CALN1: variants seen among roughly 807,000 people sequenced by gnomAD.
The protein encoded by CALN1 is calneuron 1.
CALN1 carries 17 observed loss-of-function variants against 30.6 expected under a neutral mutation model. The observed-to-expected ratio is 0.56, with a 90% CI of 0.38 to 0.83. CALN1 has a LOEUF of 0.83. Ranked by LOEUF, CALN1 falls within the 40% of genes least tolerant of loss-of-function variation. CALN1 has a pLI of 0.00. For synonymous variants in CALN1, 156 were observed against 131.4 expected (o/e 1.19, Z -1.28); for missense variants, 291 against 354.9 (o/e 0.82, Z 1.45).
chr7:72,412,766 A>T (rs190702777), upstream of CALN1, among the ~76,000 whole-genome samples: 3 of 152,348 alleles, frequency 2.0e-5, no homozygotes, highest in East Asian at 5.8e-4. Flanking sequence ...CCTTGCTTTC[A>T]GCCCAGGAAG....
chr7:72,284,208 T>A (rs1797919286), intron 2 of CALN1, among the ~76,000 whole-genome samples: 1 of 152,092 alleles, frequency 6.6e-6, no homozygotes, highest in Admixed American at 6.6e-5. Context: ...GGTAGGAAGA[T>A]CACTTGAGCC....
At chr7:72,099,834 T>C (rs1258146147) in intron 4 of CALN1, among the ~76,000 whole-genome samples, 2 of 152,242 alleles carry the variant, frequency 1.3e-5, no homozygotes, top group African/African-American at 4.8e-5. Flanking sequence ...ACTTGGGTTT[T>C]TGTTAAAGGA....
At chr7:72,376,133 C>T (rs757981416) in intron 2 of CALN1, among the ~76,000 whole-genome samples, 36 of 151,994 alleles carry the variant, frequency 2.4e-4, no homozygotes, top group Non-Finnish European at 4.1e-4. Flanking sequence ...TCTGTTTATC[C>T]ATTCATCAGT....
chr7:72,205,551 A>AAAATATACATATATATAT, intron 3 of CALN1, among the ~76,000 whole-genome samples: 1 of 83,044 alleles, frequency 1.2e-5, no homozygotes, highest in Non-Finnish European at 2.0e-5. Context: ...GCAAAAAAAA[A>AAAATATACATATATATAT]ATATATATAT....
At chr7:72,272,421 G>A (rs767541372) in intron 3 of CALN1, among the ~76,000 whole-genome samples, 44 of 151,984 alleles carry the variant, frequency 2.9e-4, no homozygotes, top group Admixed American at 7.9e-4. Flanking sequence ...AATTAGCTGG[G>A]TGTGGTGGTG....
At chr7:72,226,699 G>A (rs536101724) in intron 3 of CALN1, among the ~76,000 whole-genome samples, 178 of 152,216 alleles carry the variant, frequency 1.2e-3, no homozygotes, top group Admixed American at 1.9e-3. Context: ...ATCAAATACC[G>A]CACGTTCTCA....
chr7:71,826,638 T>C (rs927225555), intron 5 of CALN1, among the ~76,000 whole-genome samples: 2 of 152,186 alleles, frequency 1.3e-5, no homozygotes, highest in Non-Finnish European at 2.9e-5. Context: ...ACAGGGGACC[T>C]TGACGTGGCC....
intron 3 of CALN1, among the ~76,000 whole-genome samples, chr7:72,143,494 A>T (rs956855007): frequency 9.2e-5 from 14 of 151,810 alleles, no homozygotes; most frequent in African/African-American, 2.9e-4. Flanking sequence ...CAAATCTACG[A>T]CTGATTGGTG....
At chr7:71,978,036 G>A (rs1309712706) in intron 5 of CALN1, among the ~76,000 whole-genome samples, 1 of 151,326 alleles carries the variant, frequency 6.6e-6, no homozygotes, top group East Asian at 2.0e-4. Flanking sequence ...CTTAGCAGCT[G>A]CCAAAGATAT....
chr7:72,264,679 T>A (rs1184004541), intron 3 of CALN1, among the ~76,000 whole-genome samples: 8 of 152,150 alleles, frequency 5.3e-5, no homozygotes, highest in Admixed American at 5.2e-4. Flanking sequence ...TTTTTTGTGG[T>A]TGTTGTTAAC....
chr7:72,043,104 A>C (rs1298503340), intron 4 of CALN1, among the ~76,000 whole-genome samples: 1 of 152,206 alleles, frequency 6.6e-6, no homozygotes, highest in Non-Finnish European at 1.5e-5. Context: ...GACACAAGGT[A>C]GGGTCCTTCC....
intron 4 of CALN1, among the ~76,000 whole-genome samples, chr7:72,039,981 A>G (rs1433518823): frequency 1.3e-5 from 2 of 152,212 alleles, no homozygotes; most frequent in African/African-American, 2.4e-5. Flanking sequence ...AACTTTTTGC[A>G]GGTGGCTGAA....
rs552533308 is a variant in CALN1 at position 72,197,661 on chromosome 7, C to G, written c.244+81025G>C. ...CCTAGACAACAATGTGAGTTCTTGT[C>G]CCTACAAAAAAATAAATAAATAAAT... On this transcript the variant is annotated intron_variant, in intron 3 of 6. Coordinates refer to ENST00000395275, the MANE Select transcript of CALN1 (RefSeq NM_031468.4). Among the ~76,000 whole-genome samples the G allele has an allele frequency of 5.3e-5, 8 of 151,958 alleles. No homozygotes were observed. The East Asian group carries it at 1.4e-3, about 26-fold the overall frequency.
intron 4 of CALN1, among the ~76,000 whole-genome samples, chr7:72,069,532 T>A (rs1804248485): frequency 6.6e-6 from 1 of 152,176 alleles, no homozygotes. Context: ...GGTTTCTGGC[T>A]ACACCACTCC....
chr7:72,088,701 GAAAAA>G (rs71069024), intron 4 of CALN1, among the ~76,000 whole-genome samples: 6 of 72,472 alleles, frequency 8.3e-5, no homozygotes, highest in African/African-American at 3.0e-4. Flanking sequence ...TCCATCTCAA[GAAAAA>G]AAAAAAAAAA....
intron 5 of CALN1, among the ~76,000 whole-genome samples, chr7:72,010,355 C>T (rs1427071330): frequency 6.6e-6 from 1 of 152,120 alleles, no homozygotes; most frequent in Non-Finnish European, 1.5e-5. Context: ...GTAAGCAATG[C>T]ATTTCTCTTG....
chr7:71,786,996 T>C lies in CALN1; in HGVS notation c.*779A>G, dbSNP rs541626265. ...TCTATGTTATAGAGATGCCCACGAT[T>C]ATGCTTCTTTTTTTCTCTAATGGCA... On this transcript the variant is annotated 3_prime_UTR_variant, in exon 7 of 7. Transcript: ENST00000395275. 2 of 152,768 alleles carry C rather than the reference T, an allele frequency of 1.3e-5. No individual in the cohort carries two copies. The highest frequency in any genetic ancestry group is 4.8e-5 in the African/African-American group (2 of 41,570). 9.5% of individuals were successfully genotyped at this position (152,768 alleles called of 1,614,324 possible). A position where few individuals can be genotyped will look rare whatever the true frequency, so the allele number is the denominator to read the frequency against.
intron 5 of CALN1, among the ~76,000 whole-genome samples, chr7:71,829,135 C>T (rs1789110499): frequency 6.6e-6 from 1 of 152,158 alleles, no homozygotes; most frequent in South Asian, 2.1e-4. Flanking sequence ...CTCCCTGAGG[C>T]TGTGTCACAG....
intron 3 of CALN1, among the ~76,000 whole-genome samples, chr7:72,265,079 C>G (rs931845726): frequency 6.6e-6 from 1 of 152,182 alleles, no homozygotes; most frequent in African/African-American, 2.4e-5. Flanking sequence ...GCCTCACCTC[C>G]CAAAGTGCTG....
Sources: allele counts gnomAD v4.1 joint callset (sites outside exome capture counted in the v4.1 genomes callset), GRCh38; gene constraint gnomAD v4.1.1; transcripts MANE v1.5; gene names NCBI Gene and HGNC (gene_info 2026-07-23, HGNC 2026-07-21).